Variants in ARMC2 observed in about 807,000 individuals in gnomAD.
ARMC2 encodes armadillo repeat-containing protein 2.
In ARMC2, 67 loss-of-function variants were observed where a neutral mutation model predicts 90.3. The ratio of observed to expected loss-of-function variants is 0.74; its 90% CI spans 0.61 to 0.91. The LOEUF is 0.91. Among genes scored for constraint, ARMC2 ranks in the 40% least tolerant of loss-of-function variants. ARMC2 has a pLI of 0.00. For synonymous variants in ARMC2, 393 were observed against 393.0 expected, an observed-to-expected ratio of 1.00 and a Z score of 0.00; for missense variants, 920 against 1,030.9, an observed-to-expected ratio of 0.89 and a Z score of 1.47.
intron 7 of ARMC2, among the ~76,000 whole-genome samples, chr6:108,902,702 C>T (rs1329363383): frequency 6.6e-6 from 1 of 152,128 alleles, no homozygotes; most frequent in Non-Finnish European, 1.5e-5. Context: ...TCTGCAGGCA[C>T]ACACTTCCTC....
At chr6:108,929,628 C>A (rs1326807415) in intron 11 of ARMC2, among the ~76,000 whole-genome samples, 3 of 152,074 alleles carry the variant, frequency 2.0e-5, no homozygotes, top group Non-Finnish European at 4.4e-5. Context: ...CACAGGTGCA[C>A]GCCAACATGC....
rs886576858 is a variant in ARMC2, at chr6:108,954,664, ATGT to A, written c.1915+1321_1915+1323del. 2.0e-5 allele frequency among the ~76,000 whole-genome samples: 3 copies of A among 152,246 alleles called. No homozygotes were observed. The East Asian group carries it at 5.8e-4, about 29-fold the overall frequency. On this transcript the variant is annotated intron_variant, in intron 13 of 17. Coordinates refer to ENST00000392644, the MANE Select transcript of ARMC2 (RefSeq NM_032131.6). The stretch of plus-strand genomic sequence containing the variant: ...CTACTACTAACCATACTTGTGGAAA[ATGT>A]TGTTGTTTTGGAAGGAAGCTAATGT...
chr6:108,895,487 A>G (rs1400625530), intron 6 of ARMC2, among the ~76,000 whole-genome samples: 1 of 150,878 alleles, frequency 6.6e-6, no homozygotes, highest in African/African-American at 2.4e-5. Flanking sequence ...CATCTCAAAA[A>G]AAAAAAAAAA....
chr6:108,863,065 C>G (rs1217167544), intron 3 of ARMC2, among the ~76,000 whole-genome samples: 2 of 152,232 alleles, frequency 1.3e-5, no homozygotes, highest in Admixed American at 1.3e-4. Context: ...CCTGATTGCT[C>G]AGGCCCTGCC....
chr6:108,994,163 A>AAG, the ARMC2 span, among the ~76,000 whole-genome samples: 10 of 147,060 alleles, frequency 6.8e-5, 1 homozygote, highest in South Asian at 2.2e-4. Flanking sequence ...AAAAAAAAAA[A>AAG]GAGAAAAAAG....
intron 11 of ARMC2, among the ~76,000 whole-genome samples, chr6:108,934,814 A>C (rs1775828628): frequency 6.6e-6 from 1 of 152,124 alleles, no homozygotes; most frequent in Non-Finnish European, 1.5e-5. Context: ...TTATTATTCT[A>C]ATCTCTGTTT....
chr6:108,974,525 G>A (rs1778942376), downstream of ARMC2: 1 of 152,038 alleles, frequency 6.6e-6, no homozygotes, highest in African/African-American at 2.4e-5. Context: ...AAGATGAGTT[G>A]GAAATAAAAA....
chr6:108,874,648 C>T (rs373463770), intron 4 of ARMC2, among the ~76,000 whole-genome samples: 17 of 152,186 alleles, frequency 1.1e-4, no homozygotes, highest in Middle Eastern at 6.8e-3. Flanking sequence ...TCACCACATC[C>T]CCAAGAGGTG....
In ARMC2 at chr6:108,879,074, C is replaced by T. The variant is rs114181540; in HGVS notation, c.671+2724C>T. Among the ~76,000 whole-genome samples, 635 of 150,756 alleles carry T rather than the reference C, an allele frequency of 4.2e-3. 3 individuals carry two copies. The highest frequency in any genetic ancestry group is 0.014 in the African/African-American group (593 of 41,054). ...TCATCTGCCCATCCACCCACCCATCCGTCTACCTACCCACCCATCTGTCAT... is the reference window on the plus strand; with the variant it reads ...TCATCTGCCCATCCACCCACCCATCTGTCTACCTACCCACCCATCTGTCAT... On this transcript the variant is annotated intron_variant, in intron 5 of 17. Coordinates refer to ENST00000392644, the MANE Select transcript of ARMC2 (RefSeq NM_032131.6).
At chr6:109,049,696 A>G in the ARMC2 span, among the ~76,000 whole-genome samples, 1 of 150,280 alleles carries the variant, frequency 6.7e-6, no homozygotes, top group South Asian at 2.1e-4. Context: ...GAGGGGACGT[A>G]TATTTATATT....
rs760461271 is a variant in ARMC2 at position 108,876,293 on chromosome 6, AG to A, written c.616del (p.Glu206SerfsTer37). ...GATGATGGAGGCTTCAGTGAAATAA[AG>A]GAGCAAGAAATGTTCAAAGGAACAA... ...LTDDGGFSEI[K>X]EQEMFKGTTS... is the part of the protein sequence containing the mutation. On this transcript the variant is annotated frameshift_variant, in exon 5 of 18. Coordinates refer to ENST00000392644, the MANE Select transcript of ARMC2 (RefSeq NM_032131.6). LOFTEE classifies it high-confidence loss of function. 4.3e-6 allele frequency: 7 copies of A among 1,612,934 alleles called. No individual in the cohort carries two copies. The African/African-American group carries it at 9.3e-5, about 22-fold the overall frequency.
At chr6:108,888,308 C>T (rs1770576349) in intron 5 of ARMC2, among the ~76,000 whole-genome samples, 1 of 152,158 alleles carries the variant, frequency 6.6e-6, no homozygotes, top group African/African-American at 2.4e-5. Flanking sequence ...ATCGCACATC[C>T]TATCATTTAG....
At chr6:108,970,850 A>T (rs564803074) in intron 17 of ARMC2, among the ~76,000 whole-genome samples, 1 of 152,156 alleles carries the variant, frequency 6.6e-6, no homozygotes, top group Non-Finnish European at 1.5e-5. Context: ...TTTTATTTTT[A>T]TACAGCAGAA....
chr6:108,967,523 G>A (rs1778455877), intron 17 of ARMC2, among the ~76,000 whole-genome samples: 1 of 152,124 alleles, frequency 6.6e-6, no homozygotes. Context: ...TGGTATCTGG[G>A]GGGATTGGTT....
intron 3 of ARMC2, among the ~76,000 whole-genome samples, chr6:108,862,342 C>CAAAAAAAAAAAAA (rs71551359): frequency 5.5e-5 from 2 of 36,426 alleles, no homozygotes; most frequent in African/African-American, 2.2e-4. Flanking sequence ...AGACTCATCT[C>CAAAAAAAAAAAAA]AAAAAAAAAA....
At chr6:109,023,690 C>G in the ARMC2 span, among the ~76,000 whole-genome samples, 1 of 152,130 alleles carries the variant, frequency 6.6e-6, no homozygotes, top group African/African-American at 2.4e-5. Context: ...CATTATGTTA[C>G]AGGCTTTGCA....
At chr6:109,044,367 A>G in the ARMC2 span, among the ~76,000 whole-genome samples, 3 of 149,742 alleles carry the variant, frequency 2.0e-5, no homozygotes, top group Non-Finnish European at 4.4e-5. Flanking sequence ...AGGCAATTCA[A>G]TGGAGAAAGG....
intron 13 of ARMC2, chr6:108,959,463 TTGTG>T (rs1397209634): frequency 6.6e-6 from 1 of 152,256 alleles, no homozygotes; most frequent in African/African-American, 2.4e-5. Flanking sequence ...ATGAGCCAAG[TTGTG>T]TGCAGGTGCT....
chr6:109,027,872 A>G, the ARMC2 span, among the ~76,000 whole-genome samples: 3 of 152,098 alleles, frequency 2.0e-5, no homozygotes, highest in African/African-American at 7.2e-5. Context: ...ACATATATAT[A>G]TATTTGTGAA....
Sources: allele counts gnomAD v4.1 joint callset (sites outside exome capture counted in the v4.1 genomes callset), GRCh38; gene constraint gnomAD v4.1.1; transcripts MANE v1.5; gene names NCBI Gene and HGNC (gene_info 2026-07-23, HGNC 2026-07-21).